The following VPS13D variants were observed in gnomAD, a reference collection of about 807,000 sequenced individuals.
VPS13D encodes intermembrane lipid transfer protein VPS13D.
Under a neutral mutation model 461.9 loss-of-function variants are expected in VPS13D, and 187 were observed. The ratio of observed to expected loss-of-function variants is 0.40; its 90% CI spans 0.36 to 0.46. The LOEUF (loss-of-function observed/expected upper bound fraction) is 0.46. VPS13D is among the 20% of genes least tolerant of loss of function. The probability of loss-of-function intolerance (pLI) is 0.60; values close to 1 mark genes in which losing one functional copy is unlikely to be tolerated. For missense variants in VPS13D, 4,711 were observed against 5,364.9 expected, an observed-to-expected ratio of 0.88 and a Z score of 3.81; for synonymous variants, 1,951 against 1,986.3, an observed-to-expected ratio of 0.98 and a Z score of 0.47.
intron 13 of VPS13D, among the ~76,000 whole-genome samples, chr1:12,265,383 C>T (rs1205260890): frequency 6.6e-6 from 1 of 152,194 alleles, no homozygotes; most frequent in Non-Finnish European, 1.5e-5. Flanking sequence ...AAACGATCCT[C>T]CTGCTTCAGC....
chr1:12,333,456 C>T (rs1265238040), intron 38 of VPS13D, 90 bp downstream of exon 38: 7 of 1,511,578 alleles, frequency 4.6e-6, no homozygotes, highest in Non-Finnish European at 6.3e-6. Flanking sequence ...TAGCAAATAC[C>T]TGGGCCTGTA....
At chr1:12,400,962 G>GCGCGCACACACA (rs1253464149) in intron 61 of VPS13D, among the ~76,000 whole-genome samples, 45 of 106,292 alleles carry the variant, frequency 4.2e-4, no homozygotes, top group East Asian at 1.8e-3. Context: ...CTGCGCGCGC[G>GCGCGCACACACA]CACACACACA....
chr1:12,361,481 C>T (rs1376519701), intron 50 of VPS13D, among the ~76,000 whole-genome samples: 11 of 148,830 alleles, frequency 7.4e-5, no homozygotes, highest in African/African-American at 2.0e-4. Flanking sequence ...CTGCAAGCTC[C>T]GCCTCCCGGG....
intron 62 of VPS13D, among the ~76,000 whole-genome samples, chr1:12,403,546 C>T (rs1180525215): frequency 2.6e-5 from 4 of 152,210 alleles, no homozygotes; most frequent in Non-Finnish European, 4.4e-5. Context: ...GCTTTTCCAT[C>T]TGGATGATTT....
chr1:12,285,233 C>G (rs942049872), intron 21 of VPS13D, among the ~76,000 whole-genome samples: 1 of 151,154 alleles, frequency 6.6e-6, no homozygotes, highest in Non-Finnish European at 1.5e-5. Flanking sequence ...TTACTTTATG[C>G]CTTTTCTTCT....
intron 24 of VPS13D, 57 bp downstream of exon 24, chr1:12,293,761 T>C (rs1287693774): frequency 1.2e-5 from 19 of 1,553,916 alleles, no homozygotes; most frequent in Non-Finnish European, 1.6e-5. Context: ...AGTAGAACTT[T>C]TAGGCCTCTA....
chr1:12,501,567 T>C (rs1646035749), intron 68 of VPS13D, among the ~76,000 whole-genome samples: 1 of 152,240 alleles, frequency 6.6e-6, no homozygotes, highest in Non-Finnish European at 1.5e-5. Context: ...CAAAGTTGCC[T>C]GTGCACTGGC....
chr1:12,356,146 T>G, intron 48 of VPS13D, 56 bp downstream of exon 48: 1 of 1,537,200 alleles, frequency 6.5e-7, no homozygotes, highest in Non-Finnish European at 8.8e-7. Context: ...GAATTCAGAT[T>G]TATTTGCTTA....
intron 68 of VPS13D, chr1:12,500,139 A>C: frequency 1.0e-6 from 1 of 985,282 alleles, no homozygotes; most frequent in Non-Finnish European, 1.2e-6. Context: ...TGGTGACTTC[A>C]ACTTTATTCT....
At chr1:12,428,407 C>A (rs1013033952) in intron 65 of VPS13D, among the ~76,000 whole-genome samples, 1 of 152,172 alleles carries the variant, frequency 6.6e-6, no homozygotes, top group African/African-American at 2.4e-5. Flanking sequence ...TTCCTAAGAA[C>A]AAGGACATTT....
intron 60 of VPS13D, among the ~76,000 whole-genome samples, chr1:12,390,551 G>C (rs1224162270): frequency 6.6e-6 from 1 of 152,164 alleles, no homozygotes; most frequent in African/African-American, 2.4e-5. Flanking sequence ...AGGTAGTCTT[G>C]GCAGAAGCAT....
At chr1:12,375,130 T>G (rs1644180898) in intron 55 of VPS13D, among the ~76,000 whole-genome samples, 1 of 152,220 alleles carries the variant, frequency 6.6e-6, no homozygotes, top group Admixed American at 6.5e-5. Flanking sequence ...CTCACTCACT[T>G]CCTTACTTTC....
In VPS13D at chr1:12,283,270, G is replaced by A. The variant is rs1156894173; in HGVS notation, c.5168G>A (p.Arg1723Gln). The stretch of plus-strand genomic sequence containing the variant: ...AATGTGGAATATCCTGATATGCCTC[G>A]GTCTCTCCCTTCCCACATGGAAGAA... The part of the protein sequence containing the change: ...VSNVEYPDMP[R>Q]SLPSHMEEAP... The change falls in exon 21 of 70, where the codon CGG becomes CAG. Residue 1723 changes from arginine to glutamine, a missense_variant. This residue lies in a region of VPS13D where 4,411 missense variants were observed against 4,937.8 expected (regional missense o/e 0.89). Coordinates refer to ENST00000620676, the MANE Select transcript of VPS13D (RefSeq NM_015378.4). 2 of 1,613,806 alleles carry A rather than the reference G, an allele frequency of 1.2e-6. No individual in the cohort carries two copies. Among genetic ancestry groups the A allele is most frequent in the Non-Finnish European group, 1.7e-6 (2 of 1,179,996 alleles).
At chr1:12,339,898 CAA>C (rs960933817) in intron 40 of VPS13D, among the ~76,000 whole-genome samples, 1 of 152,186 alleles carries the variant, frequency 6.6e-6, no homozygotes, top group African/African-American at 2.4e-5. Context: ...ACAAACTGAT[CAA>C]AGCCATCTGC....
chr1:12,467,664 G>C (rs1645506597), intron 67 of VPS13D, among the ~76,000 whole-genome samples: 1 of 152,130 alleles, frequency 6.6e-6, no homozygotes, highest in African/African-American at 2.4e-5. Flanking sequence ...CATAACTTAT[G>C]GAAAGCTCAG....
chr1:12,368,565 C>T lies in VPS13D; in HGVS notation c.10546C>T (p.Pro3516Ser), dbSNP rs764394669. 2 of 1,613,216 alleles carry T rather than the reference C, an allele frequency of 1.2e-6. No homozygotes were observed. Among genetic ancestry groups the T allele is most frequent in the Admixed American group, 1.7e-5 (1 of 59,832 alleles). The change falls in exon 53 of 70, where the codon CCT (proline) becomes TCT (serine). Residue 3516 changes from proline (P) to serine (S), a missense_variant. By Grantham distance (74) the Pro-to-Ser change is moderately conservative (BLOSUM62 -1). Around this residue, in one of 3 missense-constraint regions of VPS13D, gnomAD observed 4,411 missense variants for 4,937.8 expected, o/e 0.89. Transcript: ENST00000620676. ...SFSDTDQLPP[P>S]FRIDNFSKVP... ...TAGTGACACAGATCAGTTACCTCCT[C>T]CTTTCCGAATTGACAACTTTTCTAA...
At chr1:12,353,299 C>T (rs1643844005) in intron 46 of VPS13D, among the ~76,000 whole-genome samples, 1 of 151,868 alleles carries the variant, frequency 6.6e-6, no homozygotes, top group African/African-American at 2.4e-5. Context: ...TTTGGGAGGC[C>T]AAGGCAGGCA....
intron 36 of VPS13D, 104 bp from the exon 37 acceptor site, chr1:12,329,725 C>CG: frequency 5.3e-6 from 4 of 761,440 alleles, no homozygotes; most frequent in Middle Eastern, 2.3e-4. Context: ...GTTGTGTGCT[C>CG]TCCTTTGCGA....
intron 60 of VPS13D, among the ~76,000 whole-genome samples, 159 bp downstream of exon 60, chr1:12,386,493 G>A (rs1319456202): frequency 3.3e-5 from 5 of 152,132 alleles, no homozygotes; most frequent in Admixed American, 1.3e-4. Context: ...ACCTACATTC[G>A]TCTCATTAAT....
Sources: allele counts gnomAD v4.1 joint callset (sites outside exome capture counted in the v4.1 genomes callset), GRCh38; gene constraint gnomAD v4.1.1; regional missense constraint gnomAD v4.1.1; transcripts MANE v1.5; gene names NCBI Gene and HGNC (gene_info 2026-07-23, HGNC 2026-07-21).